Variants in PCDH11X observed in about 807,000 individuals in gnomAD.
The protein encoded by PCDH11X is protocadherin-11 X-linked.
In PCDH11X, 18 loss-of-function variants were observed where a neutral mutation model predicts 53.3. That is an observed-to-expected ratio of 0.34 (90% confidence interval 0.23 to 0.50). PCDH11X has a LOEUF of 0.50. PCDH11X is among the 20% of genes least tolerant of loss of function. The pLI, the probability that PCDH11X is intolerant of heterozygous loss-of-function variation, is 0.98. For missense variants in PCDH11X, 570 were observed against 1,032.4 expected (o/e 0.55, Z 6.14); for synonymous variants, 279 against 393.3 (o/e 0.71, Z 3.44).
At chrX:92,353,645 T>C (rs2070115041) in intron 8 of PCDH11X, among the ~76,000 whole-genome samples, 1 of 109,160 alleles carries the variant, frequency 9.2e-6, no homozygotes, top group African/African-American at 3.3e-5. Flanking sequence ...TCAATTTCAT[T>C]TGGAAATATT....
At chrX:92,590,105 T>C (rs753598112) in intron 10 of PCDH11X, among the ~76,000 whole-genome samples, 34 of 108,811 alleles carry the variant, frequency 3.1e-4, no homozygotes, top group South Asian at 8.5e-4. Flanking sequence ...AGGACAGCTA[T>C]GACCCTCTAT....
chrX:92,293,041 T>TA (rs2068523658), intron 8 of PCDH11X, among the ~76,000 whole-genome samples: 1 of 104,379 alleles, frequency 9.6e-6, no homozygotes, highest in African/African-American at 3.5e-5. Flanking sequence ...TGTGTGCACA[T>TA]ATGCAGGGAT....
At chrX:92,174,222 A>G (rs1283750254) in intron 6 of PCDH11X, among the ~76,000 whole-genome samples, 2 of 107,231 alleles carry the variant, frequency 1.9e-5, no homozygotes, top group South Asian at 4.3e-4. Flanking sequence ...AAAAAATAAT[A>G]CAAAAAGAAA....
At chrX:92,111,250 A>AAAAAAAAAAAAAAC (rs2064502700) in intron 6 of PCDH11X, among the ~76,000 whole-genome samples, 1 of 103,136 alleles carries the variant, frequency 9.7e-6, no homozygotes, top group Non-Finnish European at 1.9e-5. Context: ...AAAAAAAAAA[A>AAAAAAAAAAAAAAC]ATCAGCGTCA....
chrX:92,534,051 CTT>C lies in PCDH11X; in HGVS notation c.3367+65731_3367+65732del, dbSNP rs1170526571. The stretch of plus-strand genomic sequence containing the variant: ...TGGAACAAAGCTGGACAGAGAATGA[CTT>C]TGACGAGTTGACAGAAGTAGGCTTC... On this transcript the variant is annotated intron_variant, in intron 10 of 10. Transcript: ENST00000682573. Among the ~76,000 whole-genome samples, 3 of 101,977 alleles carry C rather than the reference CTT, an allele frequency of 2.9e-5. No individual in the cohort carries two copies. The Admixed American group carries it at 3.3e-4, about 11-fold the overall frequency. The allele number at this position is 101,977 out of a possible 115,157, so 88.6% of individuals were successfully genotyped here. A position where few individuals can be genotyped will look rare whatever the true frequency, so the allele number is the denominator to read the frequency against.
At chrX:91,836,941 G>A (rs1937324335) in intron 5 of PCDH11X, among the ~76,000 whole-genome samples, 1 of 109,701 alleles carries the variant, frequency 9.1e-6, no homozygotes, top group East Asian at 2.8e-4. Context: ...ATAGTACAAT[G>A]CACTTGAATG....
In PCDH11X at chrX:92,025,412, T is replaced by G. The variant is rs1160359014; in HGVS notation, c.3033+146139T>G. Among the ~76,000 whole-genome samples, 4 of 100,404 alleles carry G rather than the reference T, an allele frequency of 4.0e-5. No individual in the cohort carries two copies. In the East Asian group the frequency reaches 1.3e-3, roughly 32 times the overall value. The allele number at this position is 100,404 out of a possible 115,157, so 87.2% of individuals were successfully genotyped here. A position where few individuals can be genotyped will look rare whatever the true frequency, so the allele number is the denominator to read the frequency against. ...TGGACAAAAGATATGAACAGACACT[T>G]CTCAAAAGAAGACATTTATGCAGCC... On this transcript the variant is annotated intron_variant, in intron 6 of 10. Transcript: ENST00000682573.
intron 5 of PCDH11X, among the ~76,000 whole-genome samples, chrX:91,842,744 CAT>C (rs1937542564): frequency 1.0e-5 from 1 of 100,494 alleles, no homozygotes; most frequent in South Asian, 5.0e-4. Context: ...ATATAGGAAA[CAT>C]ATTTTAAAAG....
intron 10 of PCDH11X, among the ~76,000 whole-genome samples, chrX:92,523,437 A>T (rs1453978066): frequency 8.9e-6 from 1 of 112,126 alleles, no homozygotes; most frequent in Non-Finnish European, 1.9e-5. Flanking sequence ...TCTTTCTATA[A>T]AAAGCAAGAG....
intron 8 of PCDH11X, among the ~76,000 whole-genome samples, chrX:92,273,147 T>G (rs2067995899): frequency 8.9e-6 from 1 of 112,019 alleles, no homozygotes; most frequent in Admixed American, 9.5e-5. Context: ...GGCTGTTTAT[T>G]TCACCTGGGT....
At chrX:92,026,931 C>T (rs2148008757) in intron 6 of PCDH11X, among the ~76,000 whole-genome samples, 1 of 88,773 alleles carries the variant, frequency 1.1e-5, no homozygotes, top group East Asian at 3.6e-4. Context: ...GCAATTTAGC[C>T]TATCTTTCTT....
intron 1 of PCDH11X, among the ~76,000 whole-genome samples, chrX:91,804,329 AT>A (rs1268942454): frequency 9.2e-6 from 1 of 108,678 alleles, no homozygotes; most frequent in Non-Finnish European, 1.9e-5. Flanking sequence ...GGTTCTGGTC[AT>A]TTTTAATTAA....
intron 8 of PCDH11X, among the ~76,000 whole-genome samples, chrX:92,271,838 T>C (rs2067966927): frequency 8.9e-6 from 1 of 112,248 alleles, no homozygotes; most frequent in Non-Finnish European, 1.9e-5. Flanking sequence ...GAATTTTAAT[T>C]TAGTCTTTCA....
At chrX:92,200,985 C>A (rs2066381298) in intron 6 of PCDH11X, among the ~76,000 whole-genome samples, 1 of 109,792 alleles carries the variant, frequency 9.1e-6, no homozygotes, top group Admixed American at 9.8e-5. Flanking sequence ...AATCATAGCT[C>A]ACTGCAGCCT....
intron 6 of PCDH11X, among the ~76,000 whole-genome samples, chrX:91,923,509 C>G (rs1175156707): frequency 1.8e-5 from 2 of 110,392 alleles, no homozygotes; most frequent in Non-Finnish European, 3.8e-5. Flanking sequence ...AGCTTTGGGA[C>G]TCTTGGGCTT....
chrX:91,842,659 G>A (rs964274397), intron 5 of PCDH11X, among the ~76,000 whole-genome samples: 8 of 108,172 alleles, frequency 7.4e-5, no homozygotes, highest in Non-Finnish European at 1.3e-4. Flanking sequence ...AGTATTTAGT[G>A]GTAGCATGTT....
At chrX:92,023,426 A>C (rs2062921170) in intron 6 of PCDH11X, among the ~76,000 whole-genome samples, 1 of 110,206 alleles carries the variant, frequency 9.1e-6, no homozygotes, top group Non-Finnish European at 1.9e-5. Context: ...GAAATGGATA[A>C]ATTCCTGGAC....
At chrX:91,954,918 T>C (rs1460802665) in intron 6 of PCDH11X, among the ~76,000 whole-genome samples, 2 of 108,320 alleles carry the variant, frequency 1.8e-5, no homozygotes, top group African/African-American at 6.9e-5. Flanking sequence ...GTTGTCTCTG[T>C]TGATAGTTTC....
At chrX:92,320,488 T>A (rs1350327650) in intron 8 of PCDH11X, among the ~76,000 whole-genome samples, 1 of 110,734 alleles carries the variant, frequency 9.0e-6, no homozygotes, top group Non-Finnish European at 1.9e-5. Flanking sequence ...ATATGAAGGA[T>A]ATATGATCCA....
Sources: gnomAD v4.1 joint callset for allele counts (sites outside exome capture counted in the v4.1 genomes callset) on GRCh38, gnomAD v4.1.1 for gene constraint, MANE v1.5 for transcripts, NCBI Gene and HGNC (gene_info 2026-07-23, HGNC 2026-07-21) for gene names.